Variants in NUP210L observed in about 807,000 individuals in gnomAD.
NUP210L encodes nucleoporin 210 like.
In NUP210L, 74 loss-of-function variants were observed where a neutral mutation model predicts 208.5. The ratio of observed to expected loss-of-function variants is 0.35; its 90% CI spans 0.29 to 0.43. NUP210L has a LOEUF of 0.43. Ranked by LOEUF, NUP210L falls within the 20% of genes least tolerant of loss-of-function variation. The pLI, the probability that NUP210L is intolerant of heterozygous loss-of-function variation, is 1.00. For missense variants in NUP210L, 1,843 were observed against 2,289.4 expected (o/e 0.81, Z 3.98); for synonymous variants, 780 against 816.9 (o/e 0.95, Z 0.77).
chr1:153,992,926 T>G (rs370520439), exon 40 of NUP210L: 2 of 1,610,406 alleles, frequency 1.2e-6, no homozygotes, highest in Non-Finnish European at 1.7e-6. Flanking sequence ...ACTTGTGGAG[T>G]TAAAAAAACC....
chr1:154,055,127 C>CTTTCTT (rs1316695276), intron 23 of NUP210L, among the ~76,000 whole-genome samples: 8 of 17,984 alleles, frequency 4.4e-4, no homozygotes, highest in African/African-American at 1.9e-3. Context: ...TCTTTCTTTT[C>CTTTCTT]TTTCTTTCTT....
intron 37 of NUP210L, among the ~76,000 whole-genome samples, chr1:153,999,062 T>G (rs1650059357): frequency 6.6e-6 from 1 of 152,128 alleles, no homozygotes; most frequent in South Asian, 2.1e-4. Flanking sequence ...CCTAGAGTTA[T>G]GAGAATTAAA....
chr1:154,054,338 C>T (rs755329547), exon 25 of NUP210L: 18 of 1,614,118 alleles, frequency 1.1e-5, no homozygotes, highest in Non-Finnish European at 1.5e-5. Flanking sequence ...CTATTAACAA[C>T]AGCCACGGTC....
intron 17 of NUP210L, among the ~76,000 whole-genome samples, chr1:154,063,492 T>G (rs755543827): frequency 6.6e-6 from 1 of 152,084 alleles, no homozygotes; most frequent in Non-Finnish European, 1.5e-5. Context: ...AACATACAAA[T>G]TTTACCCTGA....
At chr1:154,094,050 G>A (rs1436236563) in intron 15 of NUP210L, among the ~76,000 whole-genome samples, 3 of 152,106 alleles carry the variant, frequency 2.0e-5, no homozygotes, top group South Asian at 2.1e-4. Context: ...TTGGGAGGCC[G>A]AGTTGGGCAG....
chr1:154,023,857 C>T (rs184907908), intron 30 of NUP210L, among the ~76,000 whole-genome samples: 1 of 151,176 alleles, frequency 6.6e-6, no homozygotes, highest in East Asian at 1.9e-4. Context: ...GGTGCAATCT[C>T]AACTTACTGC....
In NUP210L at chr1:154,139,709, C is replaced by T. The variant is rs533602137; in HGVS notation, c.717+93G>A. 4.0e-5 allele frequency: 34 copies of T among 854,944 alleles called. No homozygotes were observed. The African/African-American group carries it at 5.3e-4, about 13-fold the overall frequency. The allele number at this position is 854,944 out of a possible 1,614,324, so 53.0% of individuals were successfully genotyped here. ...AAACAAAAAAAAAAAAAAAACAGGG[C>T]GGGTAGTGCATTCTTGTAGTACCTG... On this transcript the variant is annotated intron_variant, in intron 5 of 39. Transcript: ENST00000368559.
At chr1:154,115,810 A>C (rs1450655938) in intron 12 of NUP210L, among the ~76,000 whole-genome samples, 1 of 152,092 alleles carries the variant, frequency 6.6e-6, no homozygotes, top group Non-Finnish European at 1.5e-5. Flanking sequence ...TATAGAGAAC[A>C]GCAACATATA....
At chr1:154,112,115 G>A (rs1417385361) in intron 12 of NUP210L, among the ~76,000 whole-genome samples, 1 of 149,194 alleles carries the variant, frequency 6.7e-6, no homozygotes, top group African/African-American at 2.6e-5. Context: ...TTTTAGTAGA[G>A]AAGGGGTTTC....
At chr1:154,035,190 C>A (rs578056398) in intron 27 of NUP210L, among the ~76,000 whole-genome samples, 3 of 152,030 alleles carry the variant, frequency 2.0e-5, no homozygotes, top group African/African-American at 7.2e-5. Context: ...TTCTCTTTTT[C>A]TTAGTCTGTC....
intron 2 of NUP210L, among the ~76,000 whole-genome samples, chr1:154,149,142 A>G (rs928638876): frequency 3.7e-5 from 5 of 136,338 alleles, no homozygotes; most frequent in Admixed American, 2.7e-4. Flanking sequence ...CTGGAGTGCA[A>G]TGATGCCATT....
chr1:154,152,241 G>A (rs1478126111), intron 2 of NUP210L, among the ~76,000 whole-genome samples: 3 of 151,126 alleles, frequency 2.0e-5, no homozygotes, highest in Non-Finnish European at 2.9e-5. Flanking sequence ...CACAATCTTG[G>A]CTCACTGCAA....
intron 16 of NUP210L, among the ~76,000 whole-genome samples, chr1:154,086,401 G>A (rs537081061): frequency 6.6e-6 from 1 of 152,058 alleles, no homozygotes; most frequent in Non-Finnish European, 1.5e-5. Context: ...CCTTGGATTA[G>A]GCAATGATTT....
chr1:154,014,311 T>C (rs570379873), intron 33 of NUP210L, among the ~76,000 whole-genome samples: 25 of 152,308 alleles, frequency 1.6e-4, no homozygotes, highest in African/African-American at 5.8e-4. Context: ...CAAATTAGAA[T>C]AGGAATGACC....
intron 27 of NUP210L, among the ~76,000 whole-genome samples, chr1:154,041,508 T>C (rs112661299): frequency 7.6e-4 from 116 of 152,156 alleles, no homozygotes; most frequent in African/African-American, 2.2e-3. Flanking sequence ...TTTTTTTATT[T>C]GTAGTAGAGA....
chr1:154,061,098 C>T, intron 18 of NUP210L, 52 bp from the exon 19 acceptor site: 2 of 1,326,802 alleles, frequency 1.5e-6, no homozygotes, highest in Non-Finnish European at 2.2e-6. Flanking sequence ...TAATTCTTGG[C>T]CGCCCACGGT....
chr1:154,006,021 C>T (rs1650508395), intron 35 of NUP210L, among the ~76,000 whole-genome samples: 1 of 151,866 alleles, frequency 6.6e-6, no homozygotes, highest in Non-Finnish European at 1.5e-5. Context: ...CGCGCCCCGC[C>T]CTAATTTTGT....
At chr1:154,045,938 TTG>T in intron 27 of NUP210L, 129 bp downstream of exon 27, 1 of 787,642 alleles carries the variant, frequency 1.3e-6, no homozygotes, top group Non-Finnish European at 1.9e-6. Flanking sequence ...TGAGCTGAGA[TTG>T]CACCACTGCA....
intron 14 of NUP210L, among the ~76,000 whole-genome samples, 180 bp downstream of exon 14, chr1:154,099,818 C>T (rs1326354605): frequency 1.3e-5 from 2 of 152,188 alleles, no homozygotes; most frequent in Non-Finnish European, 2.9e-5. Flanking sequence ...AGGGAGTAAA[C>T]TCCCTGGAGA....
Sources: allele counts gnomAD v4.1 joint callset (sites outside exome capture counted in the v4.1 genomes callset), GRCh38; gene constraint gnomAD v4.1.1; transcripts MANE v1.5; gene names NCBI Gene and HGNC (gene_info 2026-07-23, HGNC 2026-07-21).